The following COL4A2 variants were observed in gnomAD, a reference collection of about 807,000 sequenced individuals.
The protein encoded by COL4A2 is collagen type IV alpha 2 chain, also known as collagen alpha-2(IV) chain.
In COL4A2, 99 loss-of-function variants were observed where a neutral mutation model predicts 200.2. The ratio of observed to expected loss-of-function variants is 0.49; its 90% CI spans 0.42 to 0.58. COL4A2 has a LOEUF of 0.58. Among genes scored for constraint, COL4A2 ranks in the 20% least tolerant of loss-of-function variants. The pLI, the probability that COL4A2 is intolerant of heterozygous loss-of-function variation, is 0.00. For missense variants in COL4A2, 1,950 were observed against 2,314.1 expected, an observed-to-expected ratio of 0.84 and a Z score of 3.23; for synonymous variants, 897 against 900.6, an observed-to-expected ratio of 1.00 and a Z score of 0.07.
chr13:110,316,975 G>GA (rs1288253870), intron 3 of COL4A2, among the ~76,000 whole-genome samples: 1 of 152,028 alleles, frequency 6.6e-6, no homozygotes, highest in Non-Finnish European at 1.5e-5. Flanking sequence ...AAGAGAGAGA[G>GA]AACACACACA....
intron 3 of COL4A2, among the ~76,000 whole-genome samples, chr13:110,324,813 G>A (rs1448869127): frequency 1.3e-5 from 2 of 152,332 alleles, no homozygotes; most frequent in Non-Finnish European, 2.9e-5. Flanking sequence ...GGAATCTCCC[G>A]CCAATCTTTA....
At chr13:110,462,011 T>C (rs1882045989) in intron 22 of COL4A2, 103 bp from the exon 23 acceptor site, 1 of 1,524,044 alleles carries the variant, frequency 6.6e-7, no homozygotes, top group South Asian at 1.2e-5. Flanking sequence ...TGGTGACGGG[T>C]GACTGCCTGC....
At chr13:110,371,165 T>TCA (rs1594175144) in intron 4 of COL4A2, among the ~76,000 whole-genome samples, 3 of 152,340 alleles carry the variant, frequency 2.0e-5, no homozygotes, top group East Asian at 3.9e-4. Context: ...GGACAAGGGT[T>TCA]CTTCACCAGC....
intron 3 of COL4A2, among the ~76,000 whole-genome samples, chr13:110,335,700 TG>T (rs1218851938): frequency 6.6e-6 from 1 of 152,240 alleles, no homozygotes; most frequent in African/African-American, 2.4e-5. Flanking sequence ...ACCCATCACA[TG>T]ACAAGGCTTG....
At chr13:110,491,143 T>C (rs983807137) in intron 36 of COL4A2, 90 bp from the exon 37 acceptor site, 20 of 831,968 alleles carry the variant, frequency 2.4e-5, no homozygotes, top group Non-Finnish European at 4.0e-5. Context: ...GGAGCAGCAG[T>C]GTGGTTCTGC....
At chr13:110,499,522 G>A (rs1469746924) in intron 40 of COL4A2, among the ~76,000 whole-genome samples, 2 of 103,452 alleles carry the variant, frequency 1.9e-5, no homozygotes, top group Non-Finnish European at 4.5e-5. Flanking sequence ...GGAACTACAA[G>A]TCGAGATTTG....
At chr13:110,380,019 T>C (rs1878401544) in intron 4 of COL4A2, among the ~76,000 whole-genome samples, 1 of 152,210 alleles carries the variant, frequency 6.6e-6, no homozygotes, top group African/African-American at 2.4e-5. Flanking sequence ...TCCCTTGCAA[T>C]GGCCTGTGTT....
chr13:110,347,242 G>C (rs1876744855), intron 3 of COL4A2, among the ~76,000 whole-genome samples: 1 of 152,214 alleles, frequency 6.6e-6, no homozygotes, highest in Admixed American at 6.5e-5. Flanking sequence ...AGGCAGCGTT[G>C]GCTTAGACTA....
chr13:110,503,011 C>A, intron 41 of COL4A2, 110 bp from the exon 42 acceptor site: 1 of 976,608 alleles, frequency 1.0e-6, no homozygotes, highest in Non-Finnish European at 1.6e-6. Context: ...TCATTCCATG[C>A]CACAGACTTG....
intron 3 of COL4A2, among the ~76,000 whole-genome samples, chr13:110,333,580 T>A (rs1876028139): frequency 6.6e-6 from 1 of 152,202 alleles, no homozygotes; most frequent in African/African-American, 2.4e-5. Context: ...TTACCTAAGA[T>A]GGGTTATGAT....
chr13:110,463,536 T>C (rs1882117272), intron 24 of COL4A2, among the ~76,000 whole-genome samples: 1 of 152,196 alleles, frequency 6.6e-6, no homozygotes, highest in African/African-American at 2.4e-5. Context: ...CCATAACCCA[T>C]GTCTTCTCTA....
At chr13:110,492,943 G>C (rs373811960) in intron 38 of COL4A2, among the ~76,000 whole-genome samples, 1 of 152,196 alleles carries the variant, frequency 6.6e-6, no homozygotes, top group East Asian at 1.9e-4. Flanking sequence ...AGTATCAGGT[G>C]ACAGTTTCAG....
At position 110,428,555 on chromosome 13, in the gene COL4A2, C is replaced by A; in HGVS notation, c.449C>A (p.Pro150His). 6.3e-7 allele frequency: 1 copy of A among 1,576,174 alleles called. No homozygotes were observed. Among genetic ancestry groups the A allele is most frequent in the Non-Finnish European group, 8.6e-7 (1 of 1,166,230 alleles). The change falls in exon 7 of 48, where the codon CCC becomes CAC. Residue 150 changes from proline (P) to histidine (H), a missense_variant. This residue lies in a region of COL4A2 where 565 missense variants were observed against 593.5 expected (regional missense o/e 0.95). Transcript: ENST00000360467. The part of the protein sequence containing the change: ...TQGDSGPQGP[P>H]GSEGFTGPPG... Reference sequence around the variant, plus strand: ...GGAGACTCAGGTCCACAGGGGCCCCCCGGCTCTGAGGGGTTCACCGGGCCT... The same window carrying A: ...GGAGACTCAGGTCCACAGGGGCCCCACGGCTCTGAGGGGTTCACCGGGCCT...
chr13:110,475,468 C>T (rs931541511), intron 29 of COL4A2, among the ~76,000 whole-genome samples: 13 of 152,200 alleles, frequency 8.5e-5, no homozygotes, highest in Non-Finnish European at 1.0e-4. Flanking sequence ...TTTTTTAAAA[C>T]TTAATTACTT....
At chr13:110,406,405 G>A (rs1879570519) in intron 4 of COL4A2, among the ~76,000 whole-genome samples, 2 of 152,164 alleles carry the variant, frequency 1.3e-5, no homozygotes, top group South Asian at 4.1e-4. Flanking sequence ...TTAAGGAAGT[G>A]ACAGCATAAG....
rs562135389 is a variant in COL4A2 at position 110,372,240 on chromosome 13, G to A, written c.180+14688G>A. The stretch of plus-strand genomic sequence containing the variant: ...AGAGAGGGGGCAGAGGACCCTGTGC[G>A]GGGGTGGGATCAAGCACAAAGAGAA... On this transcript the variant is annotated intron_variant, in intron 4 of 47. Coordinates refer to ENST00000360467, the MANE Select transcript of COL4A2 (RefSeq NM_001846.4). Among the ~76,000 whole-genome samples the A allele has an allele frequency of 1.9e-3, 284 of 152,314 alleles. 2 individuals carry two copies. The highest frequency in any genetic ancestry group is 6.2e-3 in the African/African-American group (259 of 41,550).
rs539320250 is a variant in COL4A2, at chr13:110,322,553, G to A, written c.99+14430G>A. ...AAGACAAGGGGAGAAGACATATGGGGAACCCCGGGAGGGGCTGTGAGAGGA... is the reference window on the plus strand; with the variant it reads ...AAGACAAGGGGAGAAGACATATGGGAAACCCCGGGAGGGGCTGTGAGAGGA... On this transcript the variant is annotated intron_variant, in intron 3 of 47. Transcript: ENST00000360467. Among the ~76,000 whole-genome samples the A allele has an allele frequency of 1.3e-4, 20 of 152,312 alleles. No homozygotes were observed. The South Asian group carries it at 2.5e-3, about 19-fold the overall frequency.
intron 3 of COL4A2, among the ~76,000 whole-genome samples, chr13:110,351,417 C>A (rs1594163257): frequency 1.3e-5 from 2 of 152,200 alleles, no homozygotes; most frequent in Non-Finnish European, 2.9e-5. Flanking sequence ...CTCTACCCTG[C>A]TCCTCCCTTG....
chr13:110,410,988 C>T (rs992675075), intron 4 of COL4A2, among the ~76,000 whole-genome samples: 1 of 152,184 alleles, frequency 6.6e-6, no homozygotes, highest in Non-Finnish European at 1.5e-5. Flanking sequence ...CCATTCTGCC[C>T]TTTTCTCCTC....
Sources: gnomAD v4.1 joint callset for allele counts (sites outside exome capture counted in the v4.1 genomes callset) on GRCh38, gnomAD v4.1.1 for gene constraint, gnomAD v4.1.1 regional missense constraint, MANE v1.5 for transcripts, NCBI Gene and HGNC (gene_info 2026-07-23, HGNC 2026-07-21) for gene names.